The following UNKL variants were observed in gnomAD, a reference collection of about 807,000 sequenced individuals.
UNKL encodes the protein putative E3 ubiquitin-protein ligase UNKL.
Under a neutral mutation model 78.0 loss-of-function variants are expected in UNKL, and 60 were observed. That is an observed-to-expected ratio of 0.77 (90% confidence interval 0.63 to 0.95). UNKL has a LOEUF of 0.95. UNKL is among the 40% of genes least tolerant of loss of function. The pLI, the probability that UNKL is intolerant of heterozygous loss-of-function variation, is 0.00. For synonymous variants in UNKL, 608 were observed against 474.8 expected, an observed-to-expected ratio of 1.28 and a Z score of -3.65; for missense variants, 1,159 against 1,045.7, an observed-to-expected ratio of 1.11 and a Z score of -1.49.
At position 1,363,231 on chromosome 16, in the gene UNKL, C is replaced by T. The variant is rs1317480750; in HGVS notation, c.*3009G>A. The T allele has an allele frequency of 5.5e-6, 4 of 731,466 alleles. No homozygotes were observed. Among genetic ancestry groups the T allele is most frequent in the Non-Finnish European group, 9.5e-6 (4 of 419,536 alleles). 45.3% of individuals were successfully genotyped at this position (731,466 alleles called of 1,614,324 possible). A position where few individuals can be genotyped will look rare whatever the true frequency, so the allele number is the denominator to read the frequency against. ...AAGATTCAAGGTTTTAATTAATTCC[C>T]ATACTGATAAAAATAACTCCATGAA... is the stretch of plus-strand genomic sequence containing the variant. On this transcript the variant is annotated 3_prime_UTR_variant, in exon 15 of 15. Transcript: ENST00000389221.
chr16:1,396,178 G>C (rs2037251634), intron 6 of UNKL, among the ~76,000 whole-genome samples: 2 of 152,066 alleles, frequency 1.3e-5, no homozygotes, highest in South Asian at 4.1e-4. Context: ...CTGACCTCAA[G>C]TGATGTGCCC....
chr16:1,401,523 G>GCCCCCCCCCCCCCC, intron 4 of UNKL, 45 bp downstream of exon 4: 4 of 1,470,348 alleles, frequency 2.7e-6, no homozygotes, highest in Admixed American at 2.2e-5. Context: ...CTCGCGCTGT[G>GCCCCCCCCCCCCCC]CCCGCCCCCC....
Position 1,401,660 on chromosome 16 carries a change from C to T in UNKL, c.506G>A (p.Gly169Asp). 2 of 1,612,364 alleles carry T rather than the reference C, an allele frequency of 1.2e-6. No individual in the cohort carries two copies. Among genetic ancestry groups the T allele is most frequent in the South Asian group, 2.2e-5 (2 of 91,004 alleles). The change falls in exon 4 of 15, where the codon GGC (glycine) becomes GAC (aspartate). Residue 169 changes from glycine (G) to aspartate (D), a missense_variant. Gly to Asp is a moderately conservative substitution (Grantham distance 94). Coordinates refer to ENST00000389221, the MANE Select transcript of UNKL (RefSeq NM_001372107.1). ...CAGATCCGGGACCCCTTCCCCGCCG[C>T]CCAGCTGGCCGTTCTGCAAGGCTTC... ...AQEALQNGQL[G>D]GGEGVPDLQP...
At chr16:1,407,615 G>C (rs1367964548) in intron 2 of UNKL, among the ~76,000 whole-genome samples, 1 of 151,502 alleles carries the variant, frequency 6.6e-6, no homozygotes, top group African/African-American at 2.4e-5. Context: ...AGGATCACTT[G>C]AGCTCAGGAG....
At chr16:1,393,115 C>A in intron 7 of UNKL, 139 bp from the exon 8 acceptor site, 1 of 886,978 alleles carries the variant, frequency 1.1e-6, no homozygotes, top group Admixed American at 2.1e-5. Flanking sequence ...CAGAGGACGG[C>A]TGGGCAGTGG....
chr16:1,371,726 G>C (rs1350956750), intron 10 of UNKL, 115 bp from the exon 11 acceptor site: 1 of 1,103,766 alleles, frequency 9.1e-7, no homozygotes, highest in African/African-American at 1.6e-5. Context: ...AGGGCAGAAG[G>C]CGTGGGAGTT....
rs889623314 is a variant in UNKL, at chr16:1,363,516, G to A, written c.*2724C>T. The A allele has an allele frequency of 1.9e-5, 5 of 265,708 alleles. No homozygotes were observed. The highest frequency in any genetic ancestry group is 3.5e-5 in the South Asian group (1 of 28,364). The allele number at this position is 265,708 out of a possible 1,614,324, so 16.5% of individuals were successfully genotyped here. A position where few individuals can be genotyped will look rare whatever the true frequency, so the allele number is the denominator to read the frequency against. Reference sequence around the variant, plus strand: ...ACACCACTGTATCACGGCGAATGTCGAACACTAGAGTTACAGACGACAGGC... The same window carrying A: ...ACACCACTGTATCACGGCGAATGTCAAACACTAGAGTTACAGACGACAGGC... On this transcript the variant is annotated 3_prime_UTR_variant, in exon 15 of 15. Transcript: ENST00000389221.
At chr16:1,400,632 G>T (rs1046247560) in intron 4 of UNKL, among the ~76,000 whole-genome samples, 1 of 151,884 alleles carries the variant, frequency 6.6e-6, no homozygotes, top group East Asian at 1.9e-4. Context: ...CACTGCAGAC[G>T]TGCTAAATGC....
At chr16:1,391,251 C>CACACACACAA (rs1555457655) in intron 8 of UNKL, among the ~76,000 whole-genome samples, 3 of 3,902 alleles carry the variant, frequency 7.7e-4, no homozygotes, top group African/African-American at 1.7e-3. Flanking sequence ...CACACACACA[C>CACACACACAA]ACACACACAC....
chr16:1,410,284 G>C (rs2037979080), intron 2 of UNKL, among the ~76,000 whole-genome samples: 1 of 146,136 alleles, frequency 6.8e-6, no homozygotes, highest in Non-Finnish European at 1.5e-5. Context: ...AAAAAAAAGA[G>C]AGAAAAAGAT....
At position 1,364,646 on chromosome 16, in the gene UNKL, G is replaced by T. The variant is rs922155595; in HGVS notation, c.*1594C>A. 1 of 124,432 alleles carries T rather than the reference G, an allele frequency of 8.0e-6. No homozygotes were observed. Among genetic ancestry groups the T allele is most frequent in the African/African-American group, 3.2e-5 (1 of 31,348 alleles). 7.7% of individuals were successfully genotyped at this position (124,432 alleles called of 1,614,324 possible). A position where few individuals can be genotyped will look rare whatever the true frequency, so the allele number is the denominator to read the frequency against. On this transcript the variant is annotated 3_prime_UTR_variant, in exon 15 of 15. Transcript: ENST00000389221. ...CGCTCCAGGGGCAGACGGGACAGGG[G>T]ACCACAGCAGAGCCGGGACCTGGGG... is the stretch of plus-strand genomic sequence containing the variant.
chr16:1,400,327 AGAATT>A (rs1302539569), intron 4 of UNKL, among the ~76,000 whole-genome samples: 6 of 141,280 alleles, frequency 4.2e-5, no homozygotes, highest in African/African-American at 1.3e-4. Flanking sequence ...CTGAGGCAGG[AGAATT>A]GCTTGAACCT....
rs199501066 is a variant in UNKL, at chr16:1,367,300, C to T, written c.1838G>A (p.Arg613His). ...CAGCTGCCGGTCGCTATCGGCCACA[C>T]GGGCACGCTCCTTGGCCTCCTGCGC... ...REAQEAKERA[R>H]VADSDRQLAL... The change falls in exon 14 of 15, where the codon CGT becomes CAT. Residue 613 changes from arginine (R) to histidine (H), a missense_variant. Physicochemically the swap from Arg to His is conservative, Grantham distance 29. Transcript: ENST00000389221. 312 of 1,556,720 alleles carry T rather than the reference C, an allele frequency of 2.0e-4. No individual in the cohort carries two copies. Among genetic ancestry groups the T allele is most frequent in the Non-Finnish European group, 2.6e-4 (302 of 1,155,356 alleles).
chr16:1,398,140 C>A (rs1406034947), intron 5 of UNKL, among the ~76,000 whole-genome samples: 1 of 152,218 alleles, frequency 6.6e-6, no homozygotes, highest in Non-Finnish European at 1.5e-5. Flanking sequence ...CGCCAACTTT[C>A]TATAAAATGG....
At chr16:1,388,313 G>A (rs953094924) in intron 9 of UNKL, among the ~76,000 whole-genome samples, 5 of 152,054 alleles carry the variant, frequency 3.3e-5, no homozygotes, top group African/African-American at 4.8e-5. Flanking sequence ...GCTGACCCTC[G>A]GCTGGGACAG....
At chr16:1,367,989 G>T (rs934593400) in intron 12 of UNKL, 131 bp from the exon 13 acceptor site, 1 of 794,612 alleles carries the variant, frequency 1.3e-6, no homozygotes, top group Non-Finnish European at 2.0e-6. Context: ...GGCAGCAGGG[G>T]TGCAGCCACG....
At chr16:1,380,995 G>C (rs1222303160) in intron 10 of UNKL, among the ~76,000 whole-genome samples, 1 of 152,160 alleles carries the variant, frequency 6.6e-6, no homozygotes, top group Admixed American at 6.6e-5. Flanking sequence ...TTAAGTAAAT[G>C]AAAGAGTGTG....
In UNKL at chr16:1,387,746, G is replaced by A. The variant is rs952773706; in HGVS notation, c.1087-2361C>T. On this transcript the variant is annotated intron_variant, in intron 9 of 14. Transcript: ENST00000389221. The surrounding 1 kb of genome is among the most constrained non-coding windows in gnomAD (Gnocchi z 4.1). Reference sequence around the variant, plus strand: ...CAGCCGCACGGCTGCCCGGCCCTCCGGGGACGTGGACACTGCACCGCCGCA... The same window carrying A: ...CAGCCGCACGGCTGCCCGGCCCTCCAGGGACGTGGACACTGCACCGCCGCA... Among the ~76,000 whole-genome samples, 5 of 152,256 alleles carry A rather than the reference G, an allele frequency of 3.3e-5. No homozygotes were observed. Among genetic ancestry groups the A allele is most frequent in the Non-Finnish European group, 5.9e-5 (4 of 68,014 alleles).
intron 10 of UNKL, among the ~76,000 whole-genome samples, chr16:1,374,827 A>G (rs2036092965): frequency 6.6e-6 from 1 of 152,186 alleles, no homozygotes; most frequent in African/African-American, 2.4e-5. Flanking sequence ...GGGGCCGCAG[A>G]GGGACAAAAC....
Sources: allele counts gnomAD v4.1 joint callset (sites outside exome capture counted in the v4.1 genomes callset), GRCh38; gene constraint gnomAD v4.1.1; non-coding constraint Gnocchi (gnomAD v3.1); transcripts MANE v1.5; gene names NCBI Gene and HGNC (gene_info 2026-07-23, HGNC 2026-07-21).